NBEA: variants seen among roughly 807,000 people sequenced by gnomAD.
The protein encoded by NBEA is lysosomal-trafficking regulator 2.
A neutral mutation model predicts 343.4 loss-of-function variants in NBEA; 44 were observed. The observed-to-expected ratio is 0.13, with a 90% CI of 0.10 to 0.16. The LOEUF (loss-of-function observed/expected upper bound fraction) is 0.16, where lower values mean the gene tolerates loss of function less well. Ranked by LOEUF, NBEA falls within the 10% of genes least tolerant of loss-of-function variation. The pLI is 1.00. For missense variants in NBEA, 2,555 were observed against 3,631.3 expected (o/e 0.70, Z 7.62); for synonymous variants, 1,175 against 1,238.7 (o/e 0.95, Z 1.08).
At chr13:35,224,625 T>G (rs764170170) in intron 33 of NBEA, among the ~76,000 whole-genome samples, 2 of 152,168 alleles carry the variant, frequency 1.3e-5, no homozygotes, top group African/African-American at 2.4e-5. Context: ...TTTCTTACTT[T>G]TGCTGAAAAT....
chr13:35,378,854 T>C (rs1854904476), intron 38 of NBEA, among the ~76,000 whole-genome samples: 1 of 152,060 alleles, frequency 6.6e-6, no homozygotes, highest in Non-Finnish European at 1.5e-5. Flanking sequence ...AGCATTTATT[T>C]ATTTTGTTTA....
chr13:35,500,632 C>T (rs1308156583), intron 41 of NBEA, among the ~76,000 whole-genome samples: 4 of 150,586 alleles, frequency 2.7e-5, no homozygotes, highest in African/African-American at 9.7e-5. Context: ...GAAGTTGAAA[C>T]CTCTTGAGCA....
At chr13:35,640,261 T>C (rs12172796) in intron 49 of NBEA, among the ~76,000 whole-genome samples, 24,521 of 152,116 alleles carry the variant, frequency 0.16, 2,315 homozygotes, top group East Asian at 0.45. Context: ...AGAACTTCCT[T>C]GGAAGGAAAG....
intron 6 of NBEA, among the ~76,000 whole-genome samples, chr13:35,052,279 A>G (rs2063090225): frequency 1.3e-5 from 2 of 152,038 alleles, no homozygotes; most frequent in Admixed American, 1.3e-4. Context: ...GCCTTTCAAA[A>G]AGAAATCTTT....
At chr13:35,355,309 G>A (rs180969881) in intron 38 of NBEA, among the ~76,000 whole-genome samples, 1 of 152,156 alleles carries the variant, frequency 6.6e-6, no homozygotes, top group African/African-American at 2.4e-5. Flanking sequence ...CAGCGCAACA[G>A]CCTGAGTGAC....
intron 40 of NBEA, among the ~76,000 whole-genome samples, chr13:35,469,254 T>A (rs1190932604): frequency 6.6e-5 from 10 of 152,164 alleles, no homozygotes; most frequent in African/African-American, 2.2e-4. Context: ...GATAAATTGT[T>A]TCTTTTTTAA....
chr13:35,351,880 C>A (rs910747523), intron 37 of NBEA, among the ~76,000 whole-genome samples: 1 of 151,920 alleles, frequency 6.6e-6, no homozygotes, highest in Non-Finnish European at 1.5e-5. Flanking sequence ...ATTTGTGCTT[C>A]TAAAATACAT....
intron 13 of NBEA, among the ~76,000 whole-genome samples, chr13:35,111,978 G>A (rs1311456804): frequency 7.1e-6 from 1 of 141,638 alleles, no homozygotes; most frequent in Non-Finnish European, 1.5e-5. Context: ...GTGCAGTGGT[G>A]CTATCTCAGC....
chr13:35,396,454 AGTT>A (rs1284106112), intron 38 of NBEA, among the ~76,000 whole-genome samples: 3 of 151,862 alleles, frequency 2.0e-5, no homozygotes, highest in Admixed American at 6.6e-5. Flanking sequence ...GCATATTTTT[AGTT>A]GTTGTCTAGG....
chr13:35,165,039 T>C (rs2069881473), intron 24 of NBEA: 1 of 532,330 alleles, frequency 1.9e-6, no homozygotes, highest in Non-Finnish European at 3.9e-6. Flanking sequence ...GCAGACTCCA[T>C]AGCTACTTGC....
At chr13:35,450,993 CA>C (rs2046281327) in intron 39 of NBEA, among the ~76,000 whole-genome samples, 3 of 152,214 alleles carry the variant, frequency 2.0e-5, no homozygotes, top group Admixed American at 2.0e-4. Flanking sequence ...ATTAAGCAGT[CA>C]AATTCTTGAG....
chr13:34,948,269 A>G (rs1693258928), intron 1 of NBEA, among the ~76,000 whole-genome samples: 1 of 152,154 alleles, frequency 6.6e-6, no homozygotes, highest in African/African-American at 2.4e-5. Context: ...CAGACATCTA[A>G]CCTAGGTGTG....
At chr13:35,553,445 T>C (rs1042808959) in intron 43 of NBEA, among the ~76,000 whole-genome samples, 1 of 152,042 alleles carries the variant, frequency 6.6e-6, no homozygotes, top group Non-Finnish European at 1.5e-5. Flanking sequence ...CTTAAACCTG[T>C]CACTTAGCTG....
intron 39 of NBEA, among the ~76,000 whole-genome samples, chr13:35,438,118 A>G (rs1445283502): frequency 2.0e-5 from 3 of 152,152 alleles, no homozygotes; most frequent in African/African-American, 4.8e-5. Context: ...GCCTGAGGAA[A>G]AAAAAAACAT....
At chr13:34,954,026 C>T (rs919199403) in intron 1 of NBEA, among the ~76,000 whole-genome samples, 2 of 152,206 alleles carry the variant, frequency 1.3e-5, no homozygotes, top group African/African-American at 4.8e-5. Context: ...CCCCCCTATT[C>T]ATGGAAAAAT....
intron 34 of NBEA, among the ~76,000 whole-genome samples, chr13:35,265,771 G>A (rs940301179): frequency 6.6e-6 from 1 of 151,760 alleles, no homozygotes; most frequent in Non-Finnish European, 1.5e-5. Context: ...AGAAAATATA[G>A]TGAGAAATCT....
intron 13 of NBEA, among the ~76,000 whole-genome samples, chr13:35,112,775 A>T (rs563049950): frequency 6.6e-6 from 1 of 152,232 alleles, no homozygotes; most frequent in Non-Finnish European, 1.5e-5. Flanking sequence ...AAACACACCT[A>T]CAGATATATA....
intron 38 of NBEA, among the ~76,000 whole-genome samples, chr13:35,383,414 A>C (rs958526855): frequency 6.6e-6 from 1 of 152,196 alleles, no homozygotes; most frequent in Non-Finnish European, 1.5e-5. Flanking sequence ...TTGTTCATGT[A>C]ACATAGTTCA....
At chr13:35,113,550 T>A (rs1373800557) in intron 13 of NBEA, among the ~76,000 whole-genome samples, 2 of 152,130 alleles carry the variant, frequency 1.3e-5, no homozygotes, top group Non-Finnish European at 2.9e-5. Flanking sequence ...AGTTGGCATA[T>A]CTACTGTAAG....
Sources: gnomAD v4.1 joint callset for allele counts (sites outside exome capture counted in the v4.1 genomes callset) on GRCh38, gnomAD v4.1.1 for gene constraint, MANE v1.5 for transcripts, NCBI Gene and HGNC (gene_info 2026-07-23, HGNC 2026-07-21) for gene names.